Variants in RGS12 observed in about 807,000 individuals in gnomAD.
RGS12 encodes the protein regulator of G protein signaling 12.
A neutral mutation model predicts 120.1 loss-of-function variants in RGS12; 66 were observed. That is an observed-to-expected ratio of 0.55 (90% CI 0.45 to 0.67). The LOEUF is 0.67. RGS12 is among the 30% of genes least tolerant of loss of function. RGS12 has a pLI of 0.00. For synonymous variants in RGS12, 827 were observed against 804.7 expected (o/e 1.03, Z -0.47); for missense variants, 1,859 against 1,957.7 (o/e 0.95, Z 0.95).
Position 3,389,262 on chromosome 4 carries a change from C to T in RGS12, c.2020+2825C>T, listed in dbSNP as rs542763073. Among the ~76,000 whole-genome samples, 5 of 152,028 alleles carry T rather than the reference C, an allele frequency of 3.3e-5. No individual in the cohort carries two copies. In the East Asian group the frequency reaches 5.8e-4, roughly 18 times the overall value. ...CCCGTTTGTAGCCAAAGAGTGCCCT[C>T]GGGAAAAAGGGTTACAGCTGGTCTC... On this transcript the variant is annotated intron_variant, in intron 4 of 17. Transcript: ENST00000336727. This position sits in a 1 kb window ranked among gnomAD's most constrained non-coding sequence, Gnocchi z 5.2.
At chr4:3,437,922 C>T (rs1724967926) in intron 17 of RGS12, among the ~76,000 whole-genome samples, 2 of 152,174 alleles carry the variant, frequency 1.3e-5, no homozygotes, top group African/African-American at 4.8e-5. Context: ...GAGGCTGCTT[C>T]CGGAAGCTTG....
chr4:3,369,143 TTCCTC>T (rs1716701697), intron 3 of RGS12, among the ~76,000 whole-genome samples: 1 of 152,064 alleles, frequency 6.6e-6, no homozygotes. Flanking sequence ...CTTGGGGTGA[TTCCTC>T]TGCTTGCTGG....
intron 2 of RGS12, chr4:3,342,566 C>T: frequency 7.7e-7 from 1 of 1,302,244 alleles, no homozygotes; most frequent in Non-Finnish European, 1.0e-6. Flanking sequence ...TACTAGTCAT[C>T]TTTACTCTCA....
chr4:3,293,305 CGGGGCGGGGCGGGGCG>C (rs1177706569), intron 1 of RGS12, among the ~76,000 whole-genome samples: 23 of 99,460 alleles, frequency 2.3e-4, no homozygotes, highest in South Asian at 2.9e-4. Context: ...GGGCCCGGCG[CGGGGCGGGGCGGGGCG>C]GGGGCGGGGG....
intron 10 of RGS12, among the ~76,000 whole-genome samples, chr4:3,422,126 C>G (rs1173958954): frequency 1.3e-5 from 2 of 152,168 alleles, no homozygotes; most frequent in African/African-American, 4.8e-5. Flanking sequence ...GCCTTCTGAG[C>G]ACGATGGCCC....
intron 9 of RGS12, chr4:3,419,588 G>A (rs1212888389): frequency 1.3e-5 from 2 of 152,058 alleles, no homozygotes; most frequent in East Asian, 1.9e-4. Context: ...GGGGCGAGGT[G>A]TGAGGATCGT....
At chr4:3,412,779 G>C (rs1244559293) in intron 4 of RGS12, among the ~76,000 whole-genome samples, 1 of 152,262 alleles carries the variant, frequency 6.6e-6, no homozygotes, top group East Asian at 1.9e-4. Flanking sequence ...CACGTCATCT[G>C]TGGTCAGCAG....
At chr4:3,344,201 C>T (rs951130482) in intron 3 of RGS12, among the ~76,000 whole-genome samples, 6 of 152,234 alleles carry the variant, frequency 3.9e-5, no homozygotes, top group Middle Eastern at 6.8e-3. Context: ...GGGATTGGCA[C>T]GTTGTGGCTG....
intron 4 of RGS12, among the ~76,000 whole-genome samples, chr4:3,401,975 C>T: frequency 1.3e-5 from 2 of 152,214 alleles, no homozygotes; most frequent in East Asian, 3.9e-4. Flanking sequence ...CCAGAGGTGG[C>T]CCCCTGAGCC....
At chr4:3,318,191 G>GTC in intron 2 of RGS12, 140 bp downstream of exon 2, 1 of 728,030 alleles carries the variant, frequency 1.4e-6, no homozygotes, top group Non-Finnish European at 2.3e-6. Context: ...ATCACAGGGT[G>GTC]TCTGCGTTGC....
intron 1 of RGS12, among the ~76,000 whole-genome samples, chr4:3,293,873 G>C (rs1217650451): frequency 1.6e-5 from 1 of 62,766 alleles, no homozygotes; most frequent in Non-Finnish European, 3.0e-5. Flanking sequence ...AGAGGGCCCA[G>C]AGCCATCTAG....
intron 1 of RGS12, among the ~76,000 whole-genome samples, chr4:3,293,471 A>G (rs1258509853): frequency 1.3e-5 from 2 of 151,176 alleles, no homozygotes; most frequent in South Asian, 4.2e-4. Context: ...CGCGGGCGAG[A>G]TGCGCCCGGG....
chr4:3,320,752 C>G (rs182314323), intron 2 of RGS12, among the ~76,000 whole-genome samples: 42 of 152,308 alleles, frequency 2.8e-4, no homozygotes, highest in African/African-American at 9.1e-4. Context: ...CCAGTTAGAG[C>G]AGCAGAAGCT....
Position 3,390,359 on chromosome 4 carries a change from C to T in RGS12, c.2020+3922C>T, listed in dbSNP as rs569225146. 3.3e-5 allele frequency among the ~76,000 whole-genome samples: 5 copies of T among 152,336 alleles called. No homozygotes were observed. Among genetic ancestry groups the T allele is most frequent in the East Asian group, 1.9e-4 (1 of 5,190 alleles). On this transcript the variant is annotated intron_variant, in intron 4 of 17. Transcript: ENST00000336727. The surrounding 1 kb of genome is among the most constrained non-coding windows in gnomAD (Gnocchi z 4.6). ...GGCAGGTCAGAGTTGTCCCGGCACC[C>T]GGCACAGCGGCTGGCACGAGAGCTG... is the stretch of plus-strand genomic sequence containing the variant.
chr4:3,395,938 G>A (rs1017852122), intron 4 of RGS12, among the ~76,000 whole-genome samples: 8 of 152,210 alleles, frequency 5.3e-5, no homozygotes, highest in African/African-American at 7.2e-5. Flanking sequence ...ATGGTGTAGC[G>A]TTTGCATATA....
At chr4:3,381,737 T>C (rs1718280637) in intron 3 of RGS12, among the ~76,000 whole-genome samples, 1 of 152,022 alleles carries the variant, frequency 6.6e-6, no homozygotes, top group Non-Finnish European at 1.5e-5. Context: ...AACTACAAGA[T>C]GAGATTTCGG....
rs2108778053 is a variant in RGS12 at position 3,343,058 on chromosome 4, T to C, written c.1998+5T>C. The C allele has an allele frequency of 1.3e-6, 2 of 1,587,628 alleles. No homozygotes were observed. Among genetic ancestry groups the C allele is most frequent in the Non-Finnish European group, 8.6e-7 (1 of 1,157,628 alleles). On this transcript the variant is annotated splice_donor_5th_base_variant and intron_variant, in intron 3 of 17. Transcript: ENST00000336727. ...CGCTCCCTTGATGATCTTGAGGTAA[T>C]TTAATTTTCATTTTTCTTCTTTTCT...
At chr4:3,370,907 T>C (rs1370381888) in intron 3 of RGS12, among the ~76,000 whole-genome samples, 3 of 152,242 alleles carry the variant, frequency 2.0e-5, no homozygotes, top group Non-Finnish European at 4.4e-5. Flanking sequence ...CTTAAGGCTG[T>C]GTTGGTGCAA....
intron 2 of RGS12, among the ~76,000 whole-genome samples, chr4:3,325,028 T>G (rs1286638624): frequency 6.6e-6 from 1 of 152,184 alleles, no homozygotes; most frequent in Non-Finnish European, 1.5e-5. Flanking sequence ...AATTAGTGCT[T>G]TGGTCAAAAT....
Sources: gnomAD v4.1 joint callset for allele counts (sites outside exome capture counted in the v4.1 genomes callset) on GRCh38, gnomAD v4.1.1 for gene constraint, Gnocchi (gnomAD v3.1) non-coding constraint, MANE v1.5 for transcripts, NCBI Gene and HGNC (gene_info 2026-07-23, HGNC 2026-07-21) for gene names.